Variants in ST8SIA2 observed in about 807,000 individuals in gnomAD.
ST8SIA2 encodes the protein alpha-2,8-sialyltransferase 8B.
A neutral mutation model predicts 37.6 loss-of-function variants in ST8SIA2; 22 were observed. The ratio of observed to expected loss-of-function variants is 0.58; its 90% confidence interval spans 0.42 to 0.83. The LOEUF (loss-of-function observed/expected upper bound fraction) is 0.83. ST8SIA2 is among the 40% of genes least tolerant of loss of function. The pLI, the probability that ST8SIA2 is intolerant of heterozygous loss-of-function variation, is 0.00. For missense variants in ST8SIA2, 382 were observed against 484.7 expected (o/e 0.79, Z 1.99); for synonymous variants, 205 against 201.2 (o/e 1.02, Z -0.16).
chr15:92,427,879 A>C (rs1052502165), intron 1 of ST8SIA2, among the ~76,000 whole-genome samples: 7 of 152,228 alleles, frequency 4.6e-5, no homozygotes, highest in African/African-American at 1.7e-4. Context: ...AGCTATTTGG[A>C]GGCTGAGGCA....
intron 2 of ST8SIA2, 86 bp downstream of exon 2, chr15:92,430,197 C>A: frequency 7.6e-7 from 1 of 1,307,212 alleles, no homozygotes; most frequent in Non-Finnish European, 1.1e-6. Flanking sequence ...TGGTGCCCTT[C>A]TTACTTAGCA....
At chr15:92,414,475 T>A (rs967188788) in intron 1 of ST8SIA2, among the ~76,000 whole-genome samples, 2 of 152,196 alleles carry the variant, frequency 1.3e-5, no homozygotes, top group Non-Finnish European at 2.9e-5. Flanking sequence ...TTGGAGACAA[T>A]CTGTCAGACA....
At chr15:92,440,865 G>T (rs758647490) in intron 4 of ST8SIA2, among the ~76,000 whole-genome samples, 2 of 152,190 alleles carry the variant, frequency 1.3e-5, no homozygotes. Flanking sequence ...ATGTGAATAC[G>T]CCTGGGATGG....
intron 1 of ST8SIA2, among the ~76,000 whole-genome samples, chr15:92,402,274 A>G (rs1205627217): frequency 6.6e-6 from 1 of 152,206 alleles, no homozygotes. Flanking sequence ...ATAACAACAA[A>G]GTCATATTTT....
In ST8SIA2 at chr15:92,399,555, C is replaced by T. The variant is rs142549699; in HGVS notation, c.98+5393C>T. On this transcript the variant is annotated intron_variant, in intron 1 of 5. Transcript: ENST00000268164. ...GAAAATGACCTTGAGCAGTTGCAGT[C>T]CAGGCACTCTGTAAGAAGTACACGT... Among the ~76,000 whole-genome samples, 474 of 152,270 alleles carry T rather than the reference C, an allele frequency of 3.1e-3. 1 individual carries two copies. The highest frequency in any genetic ancestry group is 5.6e-3 in the Non-Finnish European group (380 of 68,018).
intron 5 of ST8SIA2, among the ~76,000 whole-genome samples, chr15:92,457,106 A>G (rs1286867959): frequency 6.6e-6 from 1 of 152,248 alleles, no homozygotes; most frequent in Non-Finnish European, 1.5e-5. Context: ...GAGGCTGCCA[A>G]TGCAGAGGAC....
chr15:92,449,901 CTTTG>C (rs1261567781), intron 5 of ST8SIA2, among the ~76,000 whole-genome samples: 1 of 152,112 alleles, frequency 6.6e-6, no homozygotes, highest in Non-Finnish European at 1.5e-5. Context: ...GATATTAGAC[CTTTG>C]TCGGATGCAT....
In ST8SIA2 at chr15:92,394,101, C is replaced by A; in HGVS notation, c.37C>A (p.Leu13Ile). Residue 13 changes from leucine to isoleucine, a missense_variant, in exon 1 of 6, where the codon CTC (leucine) becomes ATC (isoleucine). Physicochemically the swap from Leu to Ile is conservative, Grantham distance 5. Transcript: ENST00000268164. Reference protein sequence around the residue: ...LQFRSWMLAALTLLVVFLIFA... With the variant: ...LQFRSWMLAAITLLVVFLIFA... ...GTTCCGGAGCTGGATGCTGGCCGCG[C>A]TCACGCTGCTCGTGGTCTTCCTCAT... The A allele has an allele frequency of 6.4e-7, 1 of 1,558,424 alleles. No homozygotes were observed. The highest frequency in any genetic ancestry group is 2.4e-5 in the East Asian group (1 of 41,990).
intron 5 of ST8SIA2, among the ~76,000 whole-genome samples, chr15:92,452,653 T>G (rs1056214345): frequency 1.3e-5 from 2 of 152,206 alleles, no homozygotes; most frequent in Admixed American, 1.3e-4. Context: ...GATGTTCCTT[T>G]GTGAGGCAGG....
chr15:92,399,256 A>G (rs1055898444), intron 1 of ST8SIA2, among the ~76,000 whole-genome samples: 4 of 152,248 alleles, frequency 2.6e-5, no homozygotes, highest in Non-Finnish European at 5.9e-5. Flanking sequence ...CAGGGGAGAT[A>G]GTAAAGATAT....
intron 5 of ST8SIA2, among the ~76,000 whole-genome samples, chr15:92,463,470 C>T (rs990370688): frequency 2.6e-5 from 4 of 152,150 alleles, no homozygotes; most frequent in South Asian, 2.1e-4. Flanking sequence ...AATCTGAAGA[C>T]GCTCAGGAGG....
chr15:92,402,047 T>G (rs1221709057), intron 1 of ST8SIA2, among the ~76,000 whole-genome samples: 3 of 152,194 alleles, frequency 2.0e-5, no homozygotes, highest in Non-Finnish European at 4.4e-5. Flanking sequence ...GTCCTTTCTT[T>G]TATGAAAGGG....
intron 1 of ST8SIA2, among the ~76,000 whole-genome samples, chr15:92,397,816 C>T (rs1235922245): frequency 6.6e-6 from 1 of 152,172 alleles, no homozygotes; most frequent in Non-Finnish European, 1.5e-5. Context: ...GATGGGCACA[C>T]ACAGCATCCT....
intron 1 of ST8SIA2, among the ~76,000 whole-genome samples, chr15:92,395,313 T>G (rs1167310908): frequency 6.6e-6 from 1 of 152,200 alleles, no homozygotes; most frequent in African/African-American, 2.4e-5. Context: ...TCCCATTTGT[T>G]ACTTCATTTG....
intron 1 of ST8SIA2, among the ~76,000 whole-genome samples, chr15:92,409,471 C>T (rs2049533555): frequency 6.6e-6 from 1 of 152,166 alleles, no homozygotes; most frequent in Non-Finnish European, 1.5e-5. Context: ...CAGAGATTAG[C>T]TGCCGGAGAG....
chr15:92,453,154 G>C (rs1313613084), intron 5 of ST8SIA2, among the ~76,000 whole-genome samples: 1 of 152,164 alleles, frequency 6.6e-6, no homozygotes, highest in Non-Finnish European at 1.5e-5. Context: ...ATAGGCATCA[G>C]TGATCTCTAC....
intron 1 of ST8SIA2, among the ~76,000 whole-genome samples, chr15:92,425,578 T>G (rs2049669494): frequency 6.6e-6 from 1 of 152,040 alleles, no homozygotes; most frequent in African/African-American, 2.4e-5. Context: ...GAAGATAGTT[T>G]GTTATACTCA....
chr15:92,420,283 T>A (rs765676958), intron 1 of ST8SIA2, among the ~76,000 whole-genome samples: 8 of 152,226 alleles, frequency 5.3e-5, no homozygotes, highest in Non-Finnish European at 8.8e-5. Flanking sequence ...TTCTGTTCAC[T>A]TGGATGATAA....
chr15:92,453,315 T>A (rs2049896670), intron 5 of ST8SIA2, among the ~76,000 whole-genome samples: 1 of 152,212 alleles, frequency 6.6e-6, no homozygotes, highest in Non-Finnish European at 1.5e-5. Context: ...TCCCCATTTT[T>A]ACCAATAACT....
Sources: gnomAD v4.1 joint callset for allele counts (sites outside exome capture counted in the v4.1 genomes callset) on GRCh38, gnomAD v4.1.1 for gene constraint, MANE v1.5 for transcripts, NCBI Gene and HGNC (gene_info 2026-07-23, HGNC 2026-07-21) for gene names.